The following RANBP17 variants were observed in gnomAD, a reference collection of about 807,000 sequenced individuals.
RANBP17 encodes RAN binding protein 17.
RANBP17 carries 158 observed loss-of-function variants against 141.2 expected under a neutral mutation model. The ratio of observed to expected loss-of-function variants is 1.12; its 90% CI spans 0.98 to 1.28. The LOEUF (loss-of-function observed/expected upper bound fraction) is 1.28, where lower values mean the gene tolerates loss of function less well. Ranked by LOEUF, RANBP17 falls within the 50% of genes most tolerant of loss-of-function variation. The pLI is 0.00. For synonymous variants in RANBP17, 430 were observed against 450.0 expected (o/e 0.96, Z 0.56); for missense variants, 1,438 against 1,290.7 (o/e 1.11, Z -1.75).
At chr5:170,953,499 G>T in intron 12 of RANBP17, 98 bp from the exon 13 acceptor site, 2 of 717,346 alleles carry the variant, frequency 2.8e-6, no homozygotes, top group South Asian at 1.9e-5. Flanking sequence ...CACTCATTTG[G>T]AAGAACAGAT....
intron 24 of RANBP17, among the ~76,000 whole-genome samples, chr5:171,245,999 C>A (rs1021929706): frequency 2.0e-5 from 3 of 152,006 alleles, no homozygotes; most frequent in African/African-American, 7.3e-5. Flanking sequence ...CTACCTCAGC[C>A]TCCCAAGTAC....
At chr5:170,939,359 T>TTTTATTTC (rs1774139270) in intron 12 of RANBP17, among the ~76,000 whole-genome samples, 1 of 147,552 alleles carries the variant, frequency 6.8e-6, no homozygotes, top group Non-Finnish European at 1.5e-5. Context: ...AAAAATTTTA[T>TTTTATTTC]TTTATTTATT....
At chr5:171,246,890 A>G (rs1203079449) in intron 24 of RANBP17, among the ~76,000 whole-genome samples, 1 of 152,158 alleles carries the variant, frequency 6.6e-6, no homozygotes, top group Admixed American at 6.5e-5. Flanking sequence ...AACCATTTGT[A>G]TACCAAAAGC....
chr5:171,086,358 C>T (rs1237366218), intron 14 of RANBP17, among the ~76,000 whole-genome samples: 9 of 151,762 alleles, frequency 5.9e-5, no homozygotes, highest in East Asian at 1.9e-4. Flanking sequence ...CTGCTGGATT[C>T]GGTTTGCCAG....
chr5:171,249,973 A>G (rs1395562043), intron 24 of RANBP17, among the ~76,000 whole-genome samples: 2 of 152,244 alleles, frequency 1.3e-5, no homozygotes, highest in Non-Finnish European at 2.9e-5. Context: ...CAGAATATCT[A>G]TAGTAAAACT....
At chr5:171,076,348 T>C (rs1784920287) in intron 14 of RANBP17, among the ~76,000 whole-genome samples, 1 of 152,192 alleles carries the variant, frequency 6.6e-6, no homozygotes, top group Non-Finnish European at 1.5e-5. Flanking sequence ...TTTCAGTCAA[T>C]ATCCTGAAGC....
rs1329077015 is a variant in RANBP17 at position 171,076,046 on chromosome 5, AT to A, written c.1711-94083del. On this transcript the variant is annotated intron_variant, in intron 14 of 27. Coordinates refer to ENST00000523189, the MANE Select transcript of RANBP17 (RefSeq NM_022897.5). ...AGTTGTTAAAAAATAATTAAATTGCATCAGAAGACAAAAAGATGTACATATG... is the reference window on the plus strand; with the variant it reads ...AGTTGTTAAAAAATAATTAAATTGCACAGAAGACAAAAAGATGTACATATG... Among the ~76,000 whole-genome samples, 3 of 152,344 alleles carry A rather than the reference AT, an allele frequency of 2.0e-5. No homozygotes were observed. In the South Asian group the frequency reaches 6.2e-4, roughly 32 times the overall value.
intron 16 of RANBP17, among the ~76,000 whole-genome samples, chr5:171,181,511 G>A (rs1760860329): frequency 6.6e-6 from 1 of 151,804 alleles, no homozygotes; most frequent in African/African-American, 2.4e-5. Context: ...AGTGCAATAG[G>A]GAAAATCCAT....
At chr5:171,079,459 G>A (rs941394793) in intron 14 of RANBP17, among the ~76,000 whole-genome samples, 24 of 152,170 alleles carry the variant, frequency 1.6e-4, no homozygotes, top group African/African-American at 5.6e-4. Flanking sequence ...TTCTCCTGTG[G>A]GTCAAATGCT....
intron 18 of RANBP17, among the ~76,000 whole-genome samples, chr5:171,185,029 G>T (rs1304979831): frequency 2.0e-5 from 3 of 152,096 alleles, no homozygotes; most frequent in African/African-American, 7.2e-5. Context: ...AGGCATGGTG[G>T]CAAATACCTT....
intron 14 of RANBP17, among the ~76,000 whole-genome samples, chr5:170,990,953 A>G (rs1344606133): frequency 6.6e-6 from 1 of 151,972 alleles, no homozygotes; most frequent in East Asian, 1.9e-4. Context: ...GGAATAGCCA[A>G]CTAACCCCTA....
chr5:170,918,738 A>G lies in RANBP17; in HGVS notation c.980A>G (p.His327Arg). ...PQGLSDPGNY[H>R]EFCRFLARLK... ...GGTTTGTCTGATCCAGGTAATTATC[A>G]TGAATTTTGTCGATTTTTGGCTCGT... Residue 327 changes from histidine (H) to arginine (R), a missense_variant, in exon 10 of 28, where the codon CAT becomes CGT. His to Arg is a conservative substitution (Grantham distance 29). Coordinates refer to ENST00000523189, the MANE Select transcript of RANBP17 (RefSeq NM_022897.5). 1 of 1,607,352 alleles carries G rather than the reference A, an allele frequency of 6.2e-7. No individual in the cohort carries two copies. The highest frequency in any genetic ancestry group is 8.5e-7 in the Non-Finnish European group (1 of 1,176,762).
At chr5:171,080,673 G>A (rs755348448) in intron 14 of RANBP17, among the ~76,000 whole-genome samples, 1 of 152,156 alleles carries the variant, frequency 6.6e-6, no homozygotes, top group Non-Finnish European at 1.5e-5. Context: ...GATGATGGAC[G>A]TTGGTGTTTT....
At chr5:171,150,143 G>C (rs937615673) in intron 14 of RANBP17, among the ~76,000 whole-genome samples, 1 of 152,268 alleles carries the variant, frequency 6.6e-6, no homozygotes, top group African/African-American at 2.4e-5. Context: ...ATCTTTGAAA[G>C]TAGTTGGGAA....
At chr5:171,271,075 C>CCTTTTTTTTT (rs1767076411) in intron 25 of RANBP17, 8 of 27,540 alleles carry the variant, frequency 2.9e-4, no homozygotes, top group African/African-American at 6.8e-4. Context: ...TATGTTATTT[C>CCTTTTTTTTT]TTTTTTTTTT....
chr5:171,012,203 A>G (rs910790539), intron 14 of RANBP17, among the ~76,000 whole-genome samples: 1 of 151,998 alleles, frequency 6.6e-6, no homozygotes, highest in Non-Finnish European at 1.5e-5. Context: ...TTGTTTTGCA[A>G]AAAGAGCACT....
intron 14 of RANBP17, among the ~76,000 whole-genome samples, chr5:171,135,062 A>G (rs933288097): frequency 3.2e-4 from 48 of 152,204 alleles, no homozygotes; most frequent in African/African-American, 1.1e-3. Flanking sequence ...TGAGATGAGG[A>G]GTTCAAGACC....
intron 7 of RANBP17, 134 bp from the exon 8 acceptor site, chr5:170,914,033 T>C: frequency 1.6e-6 from 1 of 639,130 alleles, no homozygotes; most frequent in South Asian, 1.8e-5. Flanking sequence ...TAGCTAGGAA[T>C]TAAAAATAGG....
chr5:170,891,324 A>G (rs991754521), intron 3 of RANBP17, among the ~76,000 whole-genome samples: 3 of 152,200 alleles, frequency 2.0e-5, no homozygotes, highest in Non-Finnish European at 4.4e-5. Context: ...TAGAAGTGGG[A>G]CTCAGAAGGG....
Sources: gnomAD v4.1 joint callset for allele counts (sites outside exome capture counted in the v4.1 genomes callset) on GRCh38, gnomAD v4.1.1 for gene constraint, MANE v1.5 for transcripts, NCBI Gene and HGNC (gene_info 2026-07-23, HGNC 2026-07-21) for gene names.